The following ADAM32 variants were observed in gnomAD, a reference collection of about 807,000 sequenced individuals.
The protein encoded by ADAM32 is disintegrin and metalloproteinase domain-containing protein 32.
A neutral mutation model predicts 114.9 loss-of-function variants in ADAM32; 89 were observed. That is an observed-to-expected ratio of 0.77 (90% confidence interval 0.65 to 0.92). The LOEUF (loss-of-function observed/expected upper bound fraction) is 0.92. Ranked by LOEUF, ADAM32 falls within the 40% of genes least tolerant of loss-of-function variation. The pLI is 0.00. For missense variants in ADAM32, 870 were observed against 932.8 expected (o/e 0.93, Z 0.88); for synonymous variants, 285 against 307.5 (o/e 0.93, Z 0.77).
intron 6 of ADAM32, 143 bp downstream of exon 6, chr8:39,151,691 T>C (rs1803843636): frequency 7.9e-6 from 5 of 632,864 alleles, no homozygotes; most frequent in Admixed American, 4.0e-5. Context: ...TTTTTTTTTT[T>C]CTCACTCTCT....
At chr8:39,157,881 ATCT>A (rs1804237495) in intron 6 of ADAM32, 2 of 489,038 alleles carry the variant, frequency 4.1e-6, no homozygotes, top group Non-Finnish European at 7.6e-6. Flanking sequence ...GATATTATAG[ATCT>A]TCTTGTTGAT....
At chr8:39,272,673 G>A (rs1186411405) in intron 20 of ADAM32, among the ~76,000 whole-genome samples, 2 of 152,172 alleles carry the variant, frequency 1.3e-5, no homozygotes, top group Non-Finnish European at 2.9e-5. Context: ...GTGAGTCAGT[G>A]AGTGAGTGGT....
At chr8:39,231,551 C>A (rs1809734534) in intron 14 of ADAM32, among the ~76,000 whole-genome samples, 1 of 152,012 alleles carries the variant, frequency 6.6e-6, no homozygotes, top group Non-Finnish European at 1.5e-5. Flanking sequence ...AATAAAAAAT[C>A]CAATATAATG....
rs754499606 is a variant in ADAM32, at chr8:39,187,010, T to C, written c.1017T>C (p.Cys339=). 5.0e-5 allele frequency: 81 copies of C among 1,612,772 alleles called. 2 individuals carry two copies. In the East Asian group the frequency reaches 1.8e-3, roughly 36 times the overall value. ...ISYDDPKKCQ[C]SESTCIMNPE... is the part of the protein sequence containing the mutation. ...ATGACGACCCAAAGAAATGTCAATG[T>C]TCAGAATCCACCTGTATAATGAATC... The change falls in exon 11 of 25, where the codon TGT becomes TGC. Residue 339 remains cysteine, a synonymous_variant. Coordinates refer to ENST00000379907, the MANE Select transcript of ADAM32 (RefSeq NM_145004.7).
At chr8:39,211,444 G>A (rs1471820899) in intron 12 of ADAM32, 120 bp downstream of exon 12, 2 of 1,031,804 alleles carry the variant, frequency 1.9e-6, no homozygotes, top group Non-Finnish European at 1.3e-6. Context: ...AGTAAGTGAA[G>A]TTGGGTCGAA....
intron 2 of ADAM32, among the ~76,000 whole-genome samples, chr8:39,127,022 C>T (rs1207841462): frequency 6.6e-6 from 1 of 152,170 alleles, no homozygotes; most frequent in Non-Finnish European, 1.5e-5. Context: ...ATGAAGCCTA[C>T]TTGATCATGG....
intron 12 of ADAM32, among the ~76,000 whole-genome samples, chr8:39,212,937 T>G (rs1416101991): frequency 6.6e-6 from 1 of 152,190 alleles, no homozygotes; most frequent in African/African-American, 2.4e-5. Context: ...TTTTAGCTAT[T>G]CCAGTGGTTT....
intron 11 of ADAM32, among the ~76,000 whole-genome samples, chr8:39,206,718 C>T (rs982706282): frequency 2.0e-5 from 3 of 152,206 alleles, no homozygotes; most frequent in African/African-American, 7.2e-5. Flanking sequence ...GCTGGAGACA[C>T]AACTACATTC....
intron 1 of ADAM32, among the ~76,000 whole-genome samples, chr8:39,117,535 A>G (rs1203362050): frequency 6.6e-6 from 1 of 151,710 alleles, no homozygotes; most frequent in Non-Finnish European, 1.5e-5. Context: ...TAGGGTCTTC[A>G]CTGTCTTTTC....
At chr8:39,181,996 C>T (rs1805925984) in intron 10 of ADAM32, among the ~76,000 whole-genome samples, 1 of 152,128 alleles carries the variant, frequency 6.6e-6, no homozygotes, top group East Asian at 1.9e-4. Context: ...AATTTTTATA[C>T]TTACACTTTT....
At chr8:39,107,868 G>A (rs752669021) in intron 1 of ADAM32, 35 bp downstream of exon 1, 3 of 1,503,794 alleles carry the variant, frequency 2.0e-6, no homozygotes, top group African/African-American at 1.4e-5. Flanking sequence ...TAGTCCGGGC[G>A]CTCGTCACAC....
chr8:39,225,133 G>A (rs1779834145), intron 14 of ADAM32, among the ~76,000 whole-genome samples: 1 of 152,126 alleles, frequency 6.6e-6, no homozygotes, highest in Non-Finnish European at 1.5e-5. Context: ...ATAGCTCTGG[G>A]ACTTGAGTGA....
intron 6 of ADAM32, among the ~76,000 whole-genome samples, chr8:39,156,077 G>T (rs1001158068): frequency 1.3e-5 from 2 of 152,006 alleles, no homozygotes; most frequent in Non-Finnish European, 2.9e-5. Context: ...AATAATTATT[G>T]TTTGATACAT....
At chr8:39,186,216 G>A (rs1028216557) in intron 10 of ADAM32, among the ~76,000 whole-genome samples, 1 of 152,132 alleles carries the variant, frequency 6.6e-6, no homozygotes, top group African/African-American at 2.4e-5. Flanking sequence ...TATCCCTATT[G>A]TCACCATAGC....
intron 13 of ADAM32, among the ~76,000 whole-genome samples, 158 bp downstream of exon 13, chr8:39,221,860 C>T (rs1808989795): frequency 6.6e-6 from 1 of 151,852 alleles, no homozygotes; most frequent in Non-Finnish European, 1.5e-5. Flanking sequence ...TTTTTATTAA[C>T]TTTTCTTAGG....
chr8:39,189,054 A>G (rs1806432655), intron 11 of ADAM32, among the ~76,000 whole-genome samples: 2 of 151,826 alleles, frequency 1.3e-5, no homozygotes, highest in Non-Finnish European at 3.0e-5. Flanking sequence ...AGCAGGTGCC[A>G]GTAATACTAG....
chr8:39,135,843 T>C (rs574870716), intron 2 of ADAM32, among the ~76,000 whole-genome samples: 25 of 152,286 alleles, frequency 1.6e-4, no homozygotes, highest in African/African-American at 5.8e-4. Flanking sequence ...TGACATCATA[T>C]CATGGGGTAC....
chr8:39,245,164 A>G (rs1216035609), intron 16 of ADAM32, among the ~76,000 whole-genome samples: 1 of 152,174 alleles, frequency 6.6e-6, no homozygotes, highest in African/African-American at 2.4e-5. Flanking sequence ...AGCAACCTGG[A>G]TGGAGTTGGA....
intron 8 of ADAM32, 65 bp downstream of exon 8, chr8:39,164,900 A>G: frequency 6.5e-7 from 1 of 1,528,690 alleles, no homozygotes; most frequent in Admixed American, 1.8e-5. Context: ...CCTAAACTTG[A>G]TGCGGTATTC....
Sources: allele counts gnomAD v4.1 joint callset (sites outside exome capture counted in the v4.1 genomes callset), GRCh38; gene constraint gnomAD v4.1.1; transcripts MANE v1.5; gene names NCBI Gene and HGNC (gene_info 2026-07-23, HGNC 2026-07-21).